PTPRT: variants seen among roughly 807,000 people sequenced by gnomAD.
The protein encoded by PTPRT is receptor-type tyrosine-protein phosphatase T.
PTPRT carries 56 observed loss-of-function variants against 176.8 expected under a neutral mutation model. The observed-to-expected ratio is 0.32, with a 90% CI of 0.26 to 0.40. PTPRT has a LOEUF of 0.40. PTPRT is among the 10% of genes least tolerant of loss of function. PTPRT has a pLI of 1.00. For missense variants in PTPRT, 1,540 were observed against 1,908.2 expected, an observed-to-expected ratio of 0.81 and a Z score of 3.60; for synonymous variants, 783 against 739.0, an observed-to-expected ratio of 1.06 and a Z score of -0.96.
chr20:42,619,811 T>C (rs1221286248), intron 7 of PTPRT, among the ~76,000 whole-genome samples: 2 of 128,878 alleles, frequency 1.6e-5, no homozygotes, highest in Admixed American at 7.3e-5. Flanking sequence ...TAAGCACTTC[T>C]CTGTATTGGT....
intron 9 of PTPRT, among the ~76,000 whole-genome samples, chr20:42,382,277 C>T (rs1186183208): frequency 2.6e-5 from 4 of 152,180 alleles, no homozygotes; most frequent in East Asian, 1.9e-4. Flanking sequence ...GACTCTGGGC[C>T]TGAGCTAGCC....
intron 18 of PTPRT, among the ~76,000 whole-genome samples, chr20:42,136,285 A>G (rs1988376357): frequency 7.2e-6 from 1 of 139,014 alleles, no homozygotes; most frequent in Admixed American, 7.9e-5. Flanking sequence ...ACTCATTACA[A>G]TGAATTGTGG....
chr20:43,072,776 C>T (rs1430922139), intron 1 of PTPRT, among the ~76,000 whole-genome samples: 3 of 152,178 alleles, frequency 2.0e-5, no homozygotes, highest in Non-Finnish European at 4.4e-5. Flanking sequence ...AAAAGAAATG[C>T]TCTTCCCCTT....
intron 7 of PTPRT, among the ~76,000 whole-genome samples, chr20:42,489,458 T>A (rs1270712246): frequency 6.6e-6 from 1 of 152,018 alleles, no homozygotes; most frequent in Non-Finnish European, 1.5e-5. Flanking sequence ...GGTTAAGCCA[T>A]CAGATTTTGG....
At chr20:43,105,137 G>A (rs149023013) in intron 1 of PTPRT, among the ~76,000 whole-genome samples, 1,693 of 152,186 alleles carry the variant, frequency 0.011, 39 homozygotes, top group African/African-American at 0.039. Context: ...GGTAAAGAGC[G>A]TTTAGGCTAG....
At chr20:42,440,735 C>T (rs916935937) in intron 9 of PTPRT, among the ~76,000 whole-genome samples, 1 of 152,152 alleles carries the variant, frequency 6.6e-6, no homozygotes, top group Non-Finnish European at 1.5e-5. Flanking sequence ...CCTTGGCCTC[C>T]CAAAGTGCTG....
chr20:42,662,376 C>G (rs576801215), intron 7 of PTPRT, among the ~76,000 whole-genome samples: 1 of 152,098 alleles, frequency 6.6e-6, no homozygotes, highest in African/African-American at 2.4e-5. Flanking sequence ...GAGCAGGACT[C>G]TAATCGGACT....
intron 2 of PTPRT, among the ~76,000 whole-genome samples, chr20:42,802,427 C>T (rs576088255): frequency 1.3e-5 from 2 of 152,246 alleles, no homozygotes; most frequent in South Asian, 4.1e-4. Context: ...CCAACTCCAA[C>T]AGCCTGAGCC....
chr20:42,963,250 G>A (rs1488620079), intron 1 of PTPRT, among the ~76,000 whole-genome samples: 1 of 151,350 alleles, frequency 6.6e-6, no homozygotes, highest in Non-Finnish European at 1.5e-5. Context: ...ACCAGATGTG[G>A]TAGCAAGCAC....
intron 7 of PTPRT, among the ~76,000 whole-genome samples, chr20:42,480,382 C>T (rs1321312188): frequency 1.3e-5 from 2 of 152,136 alleles, no homozygotes; most frequent in Non-Finnish European, 1.5e-5. Context: ...GTGGAGGTTT[C>T]TGTGGATCTC....
intron 8 of PTPRT, among the ~76,000 whole-genome samples, chr20:42,464,144 G>A (rs1051062822): frequency 5.3e-5 from 8 of 152,120 alleles, no homozygotes; most frequent in South Asian, 4.1e-4. Context: ...GCTAAAAGAC[G>A]TCATACATAT....
chr20:43,146,456 G>T (rs2014170704), intron 1 of PTPRT, among the ~76,000 whole-genome samples: 1 of 151,974 alleles, frequency 6.6e-6, no homozygotes, highest in Admixed American at 6.6e-5. Context: ...AATAACCACA[G>T]TTAGCCAATT....
At chr20:42,264,958 A>G (rs1568721603) in intron 13 of PTPRT, among the ~76,000 whole-genome samples, 1 of 152,168 alleles carries the variant, frequency 6.6e-6, no homozygotes, top group South Asian at 2.1e-4. Context: ...AATCTTACCA[A>G]TGGTCAGCTT....
intron 7 of PTPRT, among the ~76,000 whole-genome samples, chr20:42,476,717 A>G (rs2071296123): frequency 6.6e-6 from 1 of 152,216 alleles, no homozygotes; most frequent in South Asian, 2.1e-4. Context: ...GAGAACTCGC[A>G]TTCAGGAAAG....
intron 1 of PTPRT, among the ~76,000 whole-genome samples, chr20:43,174,304 A>C (rs1016152363): frequency 3.9e-5 from 6 of 152,316 alleles, no homozygotes; most frequent in Middle Eastern, 3.4e-3. Flanking sequence ...CTCAGTTTTG[A>C]TGATCATTAT....
chr20:43,039,844 C>A (rs1303909270), intron 1 of PTPRT, among the ~76,000 whole-genome samples: 1 of 152,070 alleles, frequency 6.6e-6, no homozygotes, highest in Non-Finnish European at 1.5e-5. Flanking sequence ...AGTTCTAGAC[C>A]AGCCTGGGCA....
intron 1 of PTPRT, among the ~76,000 whole-genome samples, chr20:42,912,039 G>A (rs1253307364): frequency 6.8e-6 from 1 of 147,848 alleles, no homozygotes; most frequent in African/African-American, 2.5e-5. Flanking sequence ...TAAACCCTAG[G>A]AAATATCCAC....
chr20:42,272,608 A>G (rs2056955039), intron 13 of PTPRT, among the ~76,000 whole-genome samples: 1 of 152,148 alleles, frequency 6.6e-6, no homozygotes, highest in Admixed American at 6.5e-5. Flanking sequence ...TTTCTAAACT[A>G]TAACTAGGGT....
At chr20:43,183,097 C>T (rs1292396670) in intron 1 of PTPRT, among the ~76,000 whole-genome samples, 1 of 152,142 alleles carries the variant, frequency 6.6e-6, no homozygotes, top group African/African-American at 2.4e-5. Context: ...ACAAAGCTAC[C>T]TAATTGCTCA....
Sources: allele counts gnomAD v4.1 joint callset (sites outside exome capture counted in the v4.1 genomes callset), GRCh38; gene constraint gnomAD v4.1.1; transcripts MANE v1.5; gene names NCBI Gene and HGNC (gene_info 2026-07-23, HGNC 2026-07-21).